RNF207: variants seen among roughly 807,000 people sequenced by gnomAD.
RNF207 encodes the protein ring finger protein 207.
RNF207 carries 72 observed loss-of-function variants against 79.0 expected under a neutral mutation model. The ratio of observed to expected loss-of-function variants is 0.91; its 90% confidence interval spans 0.75 to 1.11. The LOEUF (loss-of-function observed/expected upper bound fraction) is 1.11, where lower values mean the gene tolerates loss of function less well. RNF207 is among the 50% of genes least tolerant of loss of function. The probability of loss-of-function intolerance (pLI) is 0.00; values close to 1 mark genes in which losing one functional copy is unlikely to be tolerated. For missense variants in RNF207, 936 were observed against 855.8 expected (o/e 1.09, Z -1.17); for synonymous variants, 348 against 366.2 (o/e 0.95, Z 0.57).
intron 17 of RNF207, among the ~76,000 whole-genome samples, chr1:6,218,673 G>A (rs987673025): frequency 2.6e-5 from 4 of 152,302 alleles, no homozygotes; most frequent in South Asian, 2.1e-4. Context: ...TAGGGGACTC[G>A]GGTCACTGAA....
At position 6,211,224 on chromosome 1, in the gene RNF207, T is replaced by C; in HGVS notation, c.1109+106T>C. 1 of 747,856 alleles carries C rather than the reference T, an allele frequency of 1.3e-6. No individual in the cohort carries two copies. The highest frequency in any genetic ancestry group is 2.2e-6 in the Non-Finnish European group (1 of 457,836). The allele number at this position is 747,856 out of a possible 1,614,324, so 46.3% of individuals were successfully genotyped here. ...GCCAGCAAGAAGCCAGGTGCCACCATTCCTTCCTCCGTCCTTAGCTCGCCA... is the reference window on the plus strand; with the variant it reads ...GCCAGCAAGAAGCCAGGTGCCACCACTCCTTCCTCCGTCCTTAGCTCGCCA... On this transcript the variant is annotated intron_variant, in intron 12 of 17. Coordinates refer to ENST00000377939, the MANE Select transcript of RNF207 (RefSeq NM_207396.3). The surrounding 1 kb of genome is among the most constrained non-coding windows in gnomAD (Gnocchi z 4.2).
intron 16 of RNF207, among the ~76,000 whole-genome samples, chr1:6,216,402 G>A (rs1668361591): frequency 6.6e-6 from 1 of 152,146 alleles, no homozygotes; most frequent in Non-Finnish European, 1.5e-5. Flanking sequence ...CAGCCACTTT[G>A]TGGATGTCTG....
rs1668008743 is a variant in RNF207 at position 6,208,582 on chromosome 1, C to T, written c.325-299C>T. On this transcript the variant is annotated intron_variant, in intron 3 of 17. Transcript: ENST00000377939. ...TCGGCCTCCCAAATTGTTGGGATTA[C>T]AGGCGTGAGCCACCGCGCCCGGCCT... 5 of 392,552 alleles carry T rather than the reference C, an allele frequency of 1.3e-5. No homozygotes were observed. The South Asian group carries it at 1.6e-4, about 12-fold the overall frequency. The allele number at this position is 392,552 out of a possible 1,614,324, so 24.3% of individuals were successfully genotyped here. A position where few individuals can be genotyped will look rare whatever the true frequency, so the allele number is the denominator to read the frequency against.
In RNF207 at chr1:6,211,524, G is replaced by A. The variant is rs889232566; in HGVS notation, c.1110-343G>A. On this transcript the variant is annotated intron_variant, in intron 12 of 17. Coordinates refer to ENST00000377939, the MANE Select transcript of RNF207 (RefSeq NM_207396.3). The surrounding 1 kb of genome is among the most constrained non-coding windows in gnomAD (Gnocchi z 4.2). ...GTTAGAAGAGATGCTGAAATGGCAT[G>A]TGTGTGTCCAGGGGCCCCAAGACCA... Among the ~76,000 whole-genome samples, 1 of 152,174 alleles carries A rather than the reference G, an allele frequency of 6.6e-6. No individual in the cohort carries two copies. The highest frequency in any genetic ancestry group is 1.5e-5 in the Non-Finnish European group (1 of 68,008).
Position 6,207,453 on chromosome 1 carries a change from CAG to C in RNF207, c.267_268del (p.Asp91TrpfsTer11), listed in dbSNP as rs1471983136. The C allele has an allele frequency of 1.3e-6, 2 of 1,581,244 alleles. No individual in the cohort carries two copies. Among genetic ancestry groups the C allele is most frequent in the African/African-American group, 1.3e-5 (1 of 74,622 alleles). On this transcript the variant is annotated frameshift_variant, in exon 3 of 18. Transcript: ENST00000377939. LOFTEE classifies it high-confidence loss of function. This position sits in a 1 kb window ranked among gnomAD's most constrained non-coding sequence, Gnocchi z 4.5. Reference sequence around the variant, plus strand: ...CTGCTGCAGTTCCTGGTGGACAGCTCAGGGGATGGCGTGGAGGCGGTGCGCTG... The same window carrying C: ...CTGCTGCAGTTCCTGGTGGACAGCTCGGGATGGCGTGGAGGCGGTGCGCTG...
At chr1:6,215,500 A>G (rs116365192) in intron 16 of RNF207, among the ~76,000 whole-genome samples, 117 of 152,068 alleles carry the variant, frequency 7.7e-4, no homozygotes, top group African/African-American at 2.8e-3. Context: ...CATTTCTGCT[A>G]TCTTGTTTTG....
In RNF207 at chr1:6,219,980, TAGAG is replaced by T. The variant is rs1266728960; in HGVS notation, c.*576_*579del. On this transcript the variant is annotated 3_prime_UTR_variant, in exon 18 of 18. Transcript: ENST00000377939. ...CCCGGCTAATTTTTTGTATTTTAAG[TAGAG>T]AGGGGGTTTCTCCATGTTGGTCAGG... 2.6e-5 allele frequency: 4 copies of T among 152,168 alleles called. No homozygotes were observed. The highest frequency in any genetic ancestry group is 5.9e-5 in the Non-Finnish European group (4 of 68,050). The allele number at this position is 152,168 out of a possible 1,614,324, so 9.4% of individuals were successfully genotyped here. A position where few individuals can be genotyped will look rare whatever the true frequency, so the allele number is the denominator to read the frequency against.
chr1:6,215,533 A>G (rs1253579635), intron 16 of RNF207, among the ~76,000 whole-genome samples: 1 of 151,918 alleles, frequency 6.6e-6, no homozygotes, highest in African/African-American at 2.4e-5. Flanking sequence ...CTCTTTCTGT[A>G]CCCCGTTTCT....
chr1:6,209,061 G>T (rs576325103), intron 4 of RNF207, 36 bp downstream of exon 4: 355 of 1,537,602 alleles, frequency 2.3e-4, no homozygotes, highest in Non-Finnish European at 2.9e-4. Flanking sequence ...ACTTGGGGGT[G>T]GGGGCGGGGC....
In RNF207 at chr1:6,217,714, T is replaced by C. The variant is rs193275647; in HGVS notation, c.1653-575T>C. Reference sequence around the variant, plus strand: ...TCTCTATTGCTCCCCTGAATCCAGATCATCATGGCCAACCCTCCTACCCCT... The same window carrying C: ...TCTCTATTGCTCCCCTGAATCCAGACCATCATGGCCAACCCTCCTACCCCT... On this transcript the variant is annotated intron_variant, in intron 16 of 17. Transcript: ENST00000377939. The surrounding 1 kb of genome is among the most constrained non-coding windows in gnomAD (Gnocchi z 4.2). Among the ~76,000 whole-genome samples, 2 of 152,220 alleles carry C rather than the reference T, an allele frequency of 1.3e-5. No individual in the cohort carries two copies. The highest frequency in any genetic ancestry group is 2.4e-5 in the African/African-American group (1 of 41,538).
rs975950072 is a variant in RNF207, at chr1:6,209,132, T to A, written c.487T>A (p.Tyr163Asn). The stretch of plus-strand genomic sequence containing the variant: ...CCCCGCAGCGCTGCACGCAGAGCCC[T>A]ACCTCTTGTTCTCCACCGACAAGAA... ...PQKCTLHAEP[Y>N]LLFSTDKKLL... The change falls in exon 5 of 18, where the codon TAC becomes AAC. Residue 163 changes from tyrosine (Y) to asparagine (N), a missense_variant. Physicochemically the swap from Tyr to Asn is moderately radical, Grantham distance 143. Transcript: ENST00000377939. 6.4e-7 allele frequency: 1 copy of A among 1,556,100 alleles called. No individual in the cohort carries two copies. The highest frequency in any genetic ancestry group is 8.7e-7 in the Non-Finnish European group (1 of 1,149,576).
At chr1:6,206,778 A>G (rs533090504) in intron 2 of RNF207, 52 bp downstream of exon 2, 70 of 1,491,426 alleles carry the variant, frequency 4.7e-5, no homozygotes, top group Non-Finnish European at 6.0e-5. Flanking sequence ...CCCCGGGCCC[A>G]AGGTTGGCTC....
rs1668225798 is a variant in RNF207, at chr1:6,212,717, G to A, written c.1518G>A (p.Glu506=). 7 of 1,613,708 alleles carry A rather than the reference G, an allele frequency of 4.3e-6. No individual in the cohort carries two copies. The South Asian group carries it at 6.6e-5, about 15-fold the overall frequency. Residue 506 remains glutamate (E), a synonymous_variant, in exon 15 of 18, where the codon GAG becomes GAA. Transcript: ENST00000377939. ...AAGCCTATCAGCGAGTGGCTAATGA[G>A]CAGGAGATTTATGAAGGTTCCAGAC... The part of the protein sequence containing the change: ...WEEAYQRVAN[E]QEIYEAQLHD...
In RNF207 at chr1:6,217,983, C is replaced by T. The variant is rs767532497; in HGVS notation, c.1653-306C>T. 3.3e-5 allele frequency among the ~76,000 whole-genome samples: 5 copies of T among 152,242 alleles called. No individual in the cohort carries two copies. Among genetic ancestry groups the T allele is most frequent in the Non-Finnish European group, 7.3e-5 (5 of 68,046 alleles). ...TTGGATGAGTGTCAGCAGAGGCCCT[C>T]CCCACTCCACCTGGATTAAAGCAGG... On this transcript the variant is annotated intron_variant, in intron 16 of 17. Coordinates refer to ENST00000377939, the MANE Select transcript of RNF207 (RefSeq NM_207396.3). This position sits in a 1 kb window ranked among gnomAD's most constrained non-coding sequence, Gnocchi z 4.2.
rs947920944 is a variant in RNF207, at chr1:6,213,255, T to A, written c.1652+72T>A. On this transcript the variant is annotated intron_variant, in intron 16 of 17. Coordinates refer to ENST00000377939, the MANE Select transcript of RNF207 (RefSeq NM_207396.3). ...GTGCATGGGGGCTGGGTGCGGTGGC[T>A]CACGCCTGTAATCCTAACACTTCGG... The A allele has an allele frequency of 3.0e-6, 3 of 987,304 alleles. No homozygotes were observed. In the African/African-American group the frequency reaches 4.8e-5, roughly 16 times the overall value. The allele number at this position is 987,304 out of a possible 1,614,324, so 61.2% of individuals were successfully genotyped here.
At chr1:6,209,069 G>C (rs1337554760) in intron 4 of RNF207, 44 bp downstream of exon 4, 1 of 1,542,816 alleles carries the variant, frequency 6.5e-7, no homozygotes, top group South Asian at 1.2e-5. Context: ...GTGGGGGCGG[G>C]GCGGGCACTG....
Position 6,206,210 on chromosome 1 carries a change from GTC to G in RNF207, c.-90_-89del. ...CTCCTCGGCAGAGCGACCGCGCGGT[GTC>G]TCAGAGCGCGGCCCGGAGCCGCACT... On this transcript the variant is annotated 5_prime_UTR_variant, in exon 1 of 18. Coordinates refer to ENST00000377939, the MANE Select transcript of RNF207 (RefSeq NM_207396.3). The G allele has an allele frequency of 3.4e-6, 1 of 296,312 alleles. No individual in the cohort carries two copies. The highest frequency in any genetic ancestry group is 6.2e-6 in the Non-Finnish European group (1 of 160,680). The allele number at this position is 296,312 out of a possible 1,614,324, so 18.4% of individuals were successfully genotyped here. A position where few individuals can be genotyped will look rare whatever the true frequency, so the allele number is the denominator to read the frequency against.
chr1:6,208,276 G>C (rs527989636), intron 3 of RNF207: 3 of 152,636 alleles, frequency 2.0e-5, no homozygotes, highest in Admixed American at 6.5e-5. Flanking sequence ...TGTGCCAAGG[G>C]GGCCGTGAGA....
intron 16 of RNF207, among the ~76,000 whole-genome samples, chr1:6,216,050 T>A (rs1488182626): frequency 6.6e-6 from 1 of 152,204 alleles, no homozygotes; most frequent in Non-Finnish European, 1.5e-5. Context: ...CAGTCCTTCC[T>A]GGGAAGCCTG....
Sources: gnomAD v4.1 joint callset for allele counts (sites outside exome capture counted in the v4.1 genomes callset) on GRCh38, gnomAD v4.1.1 for gene constraint, Gnocchi (gnomAD v3.1) non-coding constraint, MANE v1.5 for transcripts, NCBI Gene and HGNC (gene_info 2026-07-23, HGNC 2026-07-21) for gene names.